Variants in HTR2C observed in about 807,000 individuals in gnomAD.
HTR2C encodes the protein 5-hydroxytryptamine receptor 2C, also known as 5-hydroxytryptamine (serotonin) receptor 2C, G protein-coupled.
HTR2C carries 5 observed loss-of-function variants against 21.0 expected under a neutral mutation model. That is an observed-to-expected ratio of 0.24 (90% CI 0.12 to 0.50). The LOEUF (loss-of-function observed/expected upper bound fraction) is 0.50, where lower values mean the gene tolerates loss of function less well. Among genes scored for constraint, HTR2C ranks in the 20% least tolerant of loss-of-function variants. The pLI is 0.98. For synonymous variants in HTR2C, 150 were observed against 145.3 expected, an observed-to-expected ratio of 1.03 and a Z score of -0.23; for missense variants, 271 against 371.2, an observed-to-expected ratio of 0.73 and a Z score of 2.22.
At chrX:114,605,037 C>G (rs782104160) in intron 1 of HTR2C, among the ~76,000 whole-genome samples, 29 of 111,220 alleles carry the variant, frequency 2.6e-4, no homozygotes, top group Admixed American at 2.2e-3. Flanking sequence ...GCCTTTTGAC[C>G]TTTTAGGGTC....
intron 5 of HTR2C, among the ~76,000 whole-genome samples, chrX:114,890,387 TA>T (rs1293357587): frequency 8.9e-6 from 1 of 112,020 alleles, no homozygotes; most frequent in African/African-American, 3.2e-5. Context: ...CTTTGTAAAA[TA>T]AAAAGAGTTT....
intron 4 of HTR2C, among the ~76,000 whole-genome samples, chrX:114,787,743 C>G (rs886815691): frequency 9.1e-6 from 1 of 110,333 alleles, no homozygotes; most frequent in Non-Finnish European, 1.9e-5. Context: ...GTCAGGAGAT[C>G]GAGACCATCC....
intron 4 of HTR2C, among the ~76,000 whole-genome samples, chrX:114,802,291 T>C (rs868942137): frequency 2.7e-5 from 3 of 111,246 alleles, no homozygotes; most frequent in Admixed American, 9.7e-5. Flanking sequence ...CTATCTCTTT[T>C]ACTTAACAGA....
chrX:114,742,524 A>G (rs1161747278), intron 4 of HTR2C, among the ~76,000 whole-genome samples: 4 of 110,787 alleles, frequency 3.6e-5, no homozygotes, highest in Non-Finnish European at 5.7e-5. Flanking sequence ...CAAACAAGTA[A>G]ACAAAATCAG....
intron 2 of HTR2C, among the ~76,000 whole-genome samples, chrX:114,630,026 C>T (rs936389433): frequency 8.2e-5 from 9 of 109,673 alleles, no homozygotes; most frequent in Non-Finnish European, 1.1e-4. Flanking sequence ...AGATTTTCAG[C>T]GATAACCAAG....
chrX:114,684,978 C>A (rs782176158), intron 2 of HTR2C, among the ~76,000 whole-genome samples: 1 of 110,987 alleles, frequency 9.0e-6, no homozygotes, highest in African/African-American at 3.3e-5. Flanking sequence ...AGGCTAAAAT[C>A]TTTCAATTAA....
At chrX:114,858,538 T>G (rs1403912375) in intron 5 of HTR2C, among the ~76,000 whole-genome samples, 2 of 112,000 alleles carry the variant, frequency 1.8e-5, no homozygotes, top group African/African-American at 6.5e-5. Context: ...TTGCATTTAC[T>G]CTATACCCAG....
intron 4 of HTR2C, among the ~76,000 whole-genome samples, chrX:114,784,855 G>A (rs1332379433): frequency 9.0e-6 from 1 of 110,581 alleles, no homozygotes; most frequent in Non-Finnish European, 1.9e-5. Flanking sequence ...TCCTGAACTC[G>A]TGATCCGCCC....
At chrX:114,647,946 G>A (rs1300226716) in intron 2 of HTR2C, among the ~76,000 whole-genome samples, 5 of 112,233 alleles carry the variant, frequency 4.5e-5, no homozygotes, top group Middle Eastern at 4.2e-3. Flanking sequence ...GTTAATGGCT[G>A]TACTCCCTGT....
At chrX:114,614,146 C>T (rs1260846123) in intron 2 of HTR2C, among the ~76,000 whole-genome samples, 1 of 110,906 alleles carries the variant, frequency 9.0e-6, no homozygotes, top group Non-Finnish European at 1.9e-5. Flanking sequence ...TTAACCACCA[C>T]CGCAGATTTA....
chrX:114,854,814 A>G (rs1556470436), intron 5 of HTR2C, among the ~76,000 whole-genome samples: 1 of 111,657 alleles, frequency 9.0e-6, no homozygotes, highest in East Asian at 2.8e-4. Context: ...ATATTTGCAA[A>G]CTATACATCC....
At chrX:114,637,592 G>A (rs999010314) in intron 2 of HTR2C, among the ~76,000 whole-genome samples, 6 of 111,510 alleles carry the variant, frequency 5.4e-5, no homozygotes, top group Non-Finnish European at 1.1e-4. Flanking sequence ...TCTACTCATC[G>A]TGTATGTGTG....
At chrX:114,898,752 T>C (rs2071315419) in intron 5 of HTR2C, among the ~76,000 whole-genome samples, 1 of 112,035 alleles carries the variant, frequency 8.9e-6, no homozygotes, top group African/African-American at 3.2e-5. Context: ...CATTGGTCTA[T>C]GTGTCTGTTT....
intron 5 of HTR2C, among the ~76,000 whole-genome samples, chrX:114,877,239 T>G (rs1038370946): frequency 9.0e-6 from 1 of 111,730 alleles, no homozygotes; most frequent in African/African-American, 3.2e-5. Context: ...GGCATGTAAT[T>G]GTTCTAGTAG....
chrX:114,598,188 A>C (rs145077148), intron 1 of HTR2C, among the ~76,000 whole-genome samples: 183 of 111,968 alleles, frequency 1.6e-3, no homozygotes, highest in Middle Eastern at 0.014. Flanking sequence ...GCATGGGATG[A>C]AAATATTGAT....
intron 5 of HTR2C, among the ~76,000 whole-genome samples, chrX:114,852,763 TTGTGTGTGTGTG>T (rs58478809): frequency 1.9e-5 from 2 of 102,791 alleles, no homozygotes; most frequent in African/African-American, 7.1e-5. Flanking sequence ...CTAAGAATAA[TTGTGTGTGTGTG>T]TGTGTGTGTG....
At chrX:114,905,495 C>T (rs1441727385) in intron 5 of HTR2C, among the ~76,000 whole-genome samples, 1 of 111,407 alleles carries the variant, frequency 9.0e-6, no homozygotes, top group Non-Finnish European at 1.9e-5. Flanking sequence ...AGGTTTGTCA[C>T]AGTTGCTTGT....
At chrX:114,657,557 A>G (rs1556409464) in intron 2 of HTR2C, among the ~76,000 whole-genome samples, 1 of 111,634 alleles carries the variant, frequency 9.0e-6, no homozygotes, top group Non-Finnish European at 1.9e-5. Flanking sequence ...TGCAATGAAT[A>G]GAAGAAATCT....
At chrX:114,823,800 C>T (rs1329817787) in intron 4 of HTR2C, among the ~76,000 whole-genome samples, 1 of 111,199 alleles carries the variant, frequency 9.0e-6, no homozygotes, top group Non-Finnish European at 1.9e-5. Context: ...CAACACTGGC[C>T]ACACAGATAA....
Sources: gnomAD v4.1 joint callset for allele counts (sites outside exome capture counted in the v4.1 genomes callset) on GRCh38, gnomAD v4.1.1 for gene constraint, MANE v1.5 for transcripts, NCBI Gene and HGNC (gene_info 2026-07-23, HGNC 2026-07-21) for gene names.